The following DLG2 variants were observed in gnomAD, a reference collection of about 807,000 sequenced individuals.
The protein encoded by DLG2 is disks large homolog 2.
In DLG2, 45 loss-of-function variants were observed where a neutral mutation model predicts 132.5. The ratio of observed to expected loss-of-function variants is 0.34; its 90% CI spans 0.27 to 0.44. DLG2 has a LOEUF of 0.44. Ranked by LOEUF, DLG2 falls within the 20% of genes least tolerant of loss-of-function variation. DLG2 has a pLI of 1.00. For missense variants in DLG2, 1,045 were observed against 1,196.9 expected, an observed-to-expected ratio of 0.87 and a Z score of 1.87; for synonymous variants, 424 against 419.6, an observed-to-expected ratio of 1.01 and a Z score of -0.13.
At chr11:85,450,341 C>T (rs1035215300) in intron 3 of DLG2, among the ~76,000 whole-genome samples, 1 of 151,926 alleles carries the variant, frequency 6.6e-6, no homozygotes, top group Non-Finnish European at 1.5e-5. Flanking sequence ...TAATTTCTGG[C>T]TTTATGTGGG....
intron 8 of DLG2, among the ~76,000 whole-genome samples, chr11:84,241,953 T>C (rs2097233684): frequency 6.6e-6 from 1 of 152,208 alleles, no homozygotes; most frequent in Admixed American, 6.5e-5. Context: ...CGCTGCCAGT[T>C]CACAGACTGC....
chr11:85,464,344 C>G (rs911177026), intron 3 of DLG2, among the ~76,000 whole-genome samples: 1 of 152,046 alleles, frequency 6.6e-6, no homozygotes, highest in Admixed American at 6.5e-5. Context: ...AGTTACCACT[C>G]AGATCAGTTT....
At chr11:84,272,071 A>G (rs2097731628) in intron 7 of DLG2, 1 of 163,594 alleles carries the variant, frequency 6.1e-6, no homozygotes, top group Non-Finnish European at 1.3e-5. Flanking sequence ...AGAGTTTCCC[A>G]CCATTAGTTT....
At chr11:84,516,874 A>G (rs1235707366) in intron 7 of DLG2, among the ~76,000 whole-genome samples, 2 of 151,032 alleles carry the variant, frequency 1.3e-5, no homozygotes, top group Non-Finnish European at 3.0e-5. Flanking sequence ...TTTATTTGCT[A>G]TGATCAACTG....
intron 7 of DLG2, among the ~76,000 whole-genome samples, chr11:84,279,489 C>T (rs556343177): frequency 6.6e-6 from 1 of 152,300 alleles, no homozygotes; most frequent in African/African-American, 2.4e-5. Flanking sequence ...AGTCATTCTA[C>T]TATAAGGACA....
intron 6 of DLG2, among the ~76,000 whole-genome samples, chr11:84,692,090 G>T (rs1468102686): frequency 2.0e-5 from 3 of 151,374 alleles, no homozygotes; most frequent in Non-Finnish European, 4.4e-5. Context: ...TTTTCTTTTA[G>T]CCTCAGTGAT....
At chr11:84,065,804 T>C (rs1056527269) in intron 10 of DLG2, among the ~76,000 whole-genome samples, 5 of 152,180 alleles carry the variant, frequency 3.3e-5, no homozygotes, top group African/African-American at 1.2e-4. Flanking sequence ...AGCAAAGATA[T>C]AGACTCAATC....
intron 4 of DLG2, among the ~76,000 whole-genome samples, chr11:85,259,139 A>T (rs1249432873): frequency 3.9e-5 from 6 of 152,108 alleles, no homozygotes; most frequent in Non-Finnish European, 7.4e-5. Flanking sequence ...GGTGGGGCCT[A>T]GTGAGAGGTC....
intron 6 of DLG2, among the ~76,000 whole-genome samples, chr11:84,781,303 G>C (rs1461273138): frequency 6.6e-6 from 1 of 151,938 alleles, no homozygotes; most frequent in African/African-American, 2.4e-5. Context: ...TAGTAGTTTT[G>C]ACATACCAAA....
intron 3 of DLG2, among the ~76,000 whole-genome samples, chr11:85,424,627 C>T (rs2090573303): frequency 1.3e-5 from 2 of 152,156 alleles, no homozygotes; most frequent in South Asian, 4.1e-4. Flanking sequence ...TTAGGCATTA[C>T]TATTCTCTTA....
At chr11:84,588,420 G>T (rs901179633) in intron 6 of DLG2, among the ~76,000 whole-genome samples, 2 of 152,010 alleles carry the variant, frequency 1.3e-5, no homozygotes, top group Admixed American at 6.6e-5. Flanking sequence ...ATTAGAATTT[G>T]GGTTTGCATT....
chr11:84,285,984 T>A (rs2097905935), intron 7 of DLG2, among the ~76,000 whole-genome samples: 1 of 152,154 alleles, frequency 6.6e-6, no homozygotes, highest in Admixed American at 6.5e-5. Context: ...TAAATTGAGG[T>A]AGAAGACACA....
At chr11:84,852,781 A>G (rs1303096505) in intron 6 of DLG2, among the ~76,000 whole-genome samples, 1 of 152,046 alleles carries the variant, frequency 6.6e-6, no homozygotes, top group Non-Finnish European at 1.5e-5. Flanking sequence ...GGAATAAAAA[A>G]GGGATTTGGC....
intron 7 of DLG2, among the ~76,000 whole-genome samples, chr11:84,344,468 T>C (rs1021163729): frequency 4.6e-5 from 7 of 152,182 alleles, no homozygotes; most frequent in Admixed American, 6.5e-5. Flanking sequence ...CCTCTTCTAA[T>C]GGAAGAAAAC....
At chr11:83,490,517 TGCCTAAA>T (rs2093780151) in intron 21 of DLG2, among the ~76,000 whole-genome samples, 1 of 152,044 alleles carries the variant, frequency 6.6e-6, no homozygotes, top group Non-Finnish European at 1.5e-5. Context: ...CATCTGTGGA[TGCCTAAA>T]GCATTGGTTG....
chr11:83,940,623 T>C (rs1441407808), intron 14 of DLG2, among the ~76,000 whole-genome samples: 6 of 152,216 alleles, frequency 3.9e-5, no homozygotes, highest in South Asian at 2.1e-4. Flanking sequence ...TTCTGTAGTA[T>C]ATACTTGCCC....
intron 6 of DLG2, among the ~76,000 whole-genome samples, chr11:84,740,871 C>G (rs1283077306): frequency 6.6e-6 from 1 of 152,048 alleles, no homozygotes; most frequent in African/African-American, 2.4e-5. Context: ...CCCAGGTCAA[C>G]AAAATGGCTA....
chr11:84,062,289 C>T (rs2096603765), intron 10 of DLG2, among the ~76,000 whole-genome samples: 1 of 152,128 alleles, frequency 6.6e-6, no homozygotes, highest in Admixed American at 6.6e-5. Flanking sequence ...ACGGTGAGGC[C>T]ACTTTATCTT....
intron 8 of DLG2, among the ~76,000 whole-genome samples, chr11:84,165,228 A>C (rs1350262014): frequency 6.6e-6 from 1 of 152,160 alleles, no homozygotes; most frequent in African/African-American, 2.4e-5. Context: ...GGGAGAAAAA[A>C]ACAACTTCCA....
Sources: gnomAD v4.1 joint callset for allele counts (sites outside exome capture counted in the v4.1 genomes callset) on GRCh38, gnomAD v4.1.1 for gene constraint, MANE v1.5 for transcripts, NCBI Gene and HGNC (gene_info 2026-07-23, HGNC 2026-07-21) for gene names.